The following RAD51B variants were observed in gnomAD, a reference collection of about 807,000 sequenced individuals.
RAD51B encodes the protein RAD51 paralog B.
Under a neutral mutation model 42.2 loss-of-function variants are expected in RAD51B, and 38 were observed. That is an observed-to-expected ratio of 0.90 (90% CI 0.70 to 1.18). The LOEUF is 1.18. RAD51B is among the 50% of genes most tolerant of loss of function. The pLI is 0.00. For synonymous variants in RAD51B, 154 were observed against 145.2 expected (o/e 1.06, Z -0.43); for missense variants, 373 against 400.7 (o/e 0.93, Z 0.59).
intron 8 of RAD51B, among the ~76,000 whole-genome samples, chr14:68,399,759 T>A (rs1291102519): frequency 6.6e-6 from 1 of 152,152 alleles, no homozygotes; most frequent in Non-Finnish European, 1.5e-5. Flanking sequence ...ATAACCACAG[T>A]ACAATGATCT....
intron 10 of RAD51B, among the ~76,000 whole-genome samples, chr14:68,619,100 C>G (rs1028229329): frequency 6.6e-6 from 1 of 152,218 alleles, no homozygotes; most frequent in Non-Finnish European, 1.5e-5. Flanking sequence ...GGACTCTTTT[C>G]CCTCCTGACA....
intron 7 of RAD51B, among the ~76,000 whole-genome samples, chr14:68,119,609 A>G (rs1009648412): frequency 1.4e-3 from 209 of 148,318 alleles, no homozygotes; most frequent in Non-Finnish European, 2.1e-3. Context: ...GAGAATGATG[A>G]TTTCCAATTT....
intron 7 of RAD51B, among the ~76,000 whole-genome samples, chr14:68,190,008 G>A (rs2079231383): frequency 6.6e-6 from 1 of 151,966 alleles, no homozygotes; most frequent in East Asian, 1.9e-4. Context: ...TTTGAAAGAT[G>A]CTTTTTACCA....
At chr14:68,588,465 G>C (rs1289118455) in intron 10 of RAD51B, among the ~76,000 whole-genome samples, 1 of 152,174 alleles carries the variant, frequency 6.6e-6, no homozygotes, top group Non-Finnish European at 1.5e-5. Context: ...ACAGTGGTAA[G>C]CTTTTCATTC....
chr14:68,542,011 T>A (rs1331376354), intron 10 of RAD51B, among the ~76,000 whole-genome samples: 1 of 152,190 alleles, frequency 6.6e-6, no homozygotes, highest in Non-Finnish European at 1.5e-5. Flanking sequence ...ATTATACACA[T>A]GTATTACTTT....
At chr14:68,631,419 G>A (rs1285669882) in intron 10 of RAD51B, among the ~76,000 whole-genome samples, 1 of 152,166 alleles carries the variant, frequency 6.6e-6, no homozygotes, top group East Asian at 1.9e-4. Flanking sequence ...GGGTTTTCAG[G>A]ACAGTATTAG....
intron 7 of RAD51B, among the ~76,000 whole-genome samples, chr14:68,182,351 G>T (rs1157678589): frequency 6.6e-6 from 1 of 152,202 alleles, no homozygotes; most frequent in Non-Finnish European, 1.5e-5. Context: ...CAAATGTAAT[G>T]ATTTTACATA....
chr14:68,624,899 C>A (rs539566631), intron 10 of RAD51B, among the ~76,000 whole-genome samples: 1 of 152,158 alleles, frequency 6.6e-6, no homozygotes, highest in Non-Finnish European at 1.5e-5. Flanking sequence ...AGGATAGGAG[C>A]CGGTGGTTCC....
intron 7 of RAD51B, among the ~76,000 whole-genome samples, chr14:68,015,376 A>G (rs2075760700): frequency 6.6e-6 from 1 of 152,194 alleles, no homozygotes; most frequent in South Asian, 2.1e-4. Flanking sequence ...AGTCATTACA[A>G]CATACGATGG....
intron 8 of RAD51B, among the ~76,000 whole-genome samples, chr14:68,369,180 C>T (rs1448628915): frequency 6.6e-6 from 1 of 152,148 alleles, no homozygotes. Context: ...GCTTGAGTCT[C>T]AAGGTTGTTT....
At chr14:68,357,455 C>G (rs1229032989) in intron 8 of RAD51B, among the ~76,000 whole-genome samples, 1 of 151,846 alleles carries the variant, frequency 6.6e-6, no homozygotes, top group African/African-American at 2.4e-5. Flanking sequence ...GTATTTTGAC[C>G]TCCTCCTATG....
chr14:68,181,912 T>A (rs1392734603), intron 7 of RAD51B, among the ~76,000 whole-genome samples: 1 of 152,264 alleles, frequency 6.6e-6, no homozygotes, highest in African/African-American at 2.4e-5. Flanking sequence ...ATATGCCTAA[T>A]AATTTCAACT....
intron 11 of RAD51B, among the ~76,000 whole-genome samples, chr14:68,675,831 C>T (rs1237096240): frequency 6.6e-6 from 1 of 152,168 alleles, no homozygotes; most frequent in Non-Finnish European, 1.5e-5. Context: ...CCTGCTCCTC[C>T]AGCCCAGCCA....
chr14:68,292,090 G>A (rs1415029359), intron 8 of RAD51B, 110 bp downstream of exon 8: 17 of 961,960 alleles, frequency 1.8e-5, no homozygotes, highest in Non-Finnish European at 2.7e-5. Context: ...CCTGGCCAGT[G>A]AACCCAGCCG....
chr14:68,275,101 C>T (rs1313199260), intron 7 of RAD51B, among the ~76,000 whole-genome samples: 1 of 152,154 alleles, frequency 6.6e-6, no homozygotes, highest in African/African-American at 2.4e-5. Flanking sequence ...TGATCATTGC[C>T]TAGATCCATT....
At chr14:68,563,947 A>G in intron 10 of RAD51B, 1 of 971,614 alleles carries the variant, frequency 1.0e-6, no homozygotes, top group Non-Finnish European at 1.2e-6. Flanking sequence ...CTGATAGAGA[A>G]CTCTTGGGTG....
intron 10 of RAD51B, among the ~76,000 whole-genome samples, chr14:68,560,951 G>A (rs1377437131): frequency 1.3e-5 from 2 of 152,146 alleles, no homozygotes; most frequent in Non-Finnish European, 2.9e-5. Context: ...ACTGCTTCCG[G>A]GCAGAAAATG....
chr14:68,146,777 G>GT (rs1359949851), intron 7 of RAD51B, among the ~76,000 whole-genome samples: 9 of 151,942 alleles, frequency 5.9e-5, no homozygotes, highest in East Asian at 1.9e-4. Flanking sequence ...CACTCTTAGG[G>GT]TTTTTTTTAA....
chr14:67,893,613 A>G (rs2043308867), intron 7 of RAD51B, among the ~76,000 whole-genome samples: 1 of 152,006 alleles, frequency 6.6e-6, no homozygotes, highest in South Asian at 2.1e-4. Context: ...CAAGGCTGCA[A>G]TGAGCTATGA....
Sources: allele counts gnomAD v4.1 joint callset (sites outside exome capture counted in the v4.1 genomes callset), GRCh38; gene constraint gnomAD v4.1.1; transcripts MANE v1.5; gene names NCBI Gene and HGNC (gene_info 2026-07-23, HGNC 2026-07-21).